SGCZ: variants seen among roughly 807,000 people sequenced by gnomAD.
SGCZ encodes the protein zeta-sarcoglycan.
A neutral mutation model predicts 41.3 loss-of-function variants in SGCZ; 40 were observed. The observed-to-expected ratio is 0.97, with a 90% confidence interval of 0.75 to 1.26. The LOEUF (loss-of-function observed/expected upper bound fraction) is 1.26, where lower values mean the gene tolerates loss of function less well. Among genes scored for constraint, SGCZ ranks in the 50% most tolerant of loss-of-function variants. The pLI is 0.00. For synonymous variants in SGCZ, 206 were observed against 137.5 expected, an observed-to-expected ratio of 1.50 and a Z score of -3.49; for missense variants, 552 against 369.8, an observed-to-expected ratio of 1.49 and a Z score of -4.04.
At chr8:14,807,952 A>G (rs1801601377) in intron 1 of SGCZ, among the ~76,000 whole-genome samples, 1 of 151,866 alleles carries the variant, frequency 6.6e-6, no homozygotes, top group South Asian at 2.1e-4. Flanking sequence ...CTGATCTTTG[A>G]CAAACCTGAG....
At chr8:14,444,755 A>T (rs1367604840) in intron 2 of SGCZ, among the ~76,000 whole-genome samples, 4 of 152,092 alleles carry the variant, frequency 2.6e-5, no homozygotes, top group Non-Finnish European at 1.5e-5. Flanking sequence ...TGGCACATGT[A>T]TACATATGTA....
intron 1 of SGCZ, among the ~76,000 whole-genome samples, chr8:14,906,669 CAACT>C (rs1266509481): frequency 1.3e-5 from 2 of 152,114 alleles, no homozygotes; most frequent in African/African-American, 4.8e-5. Flanking sequence ...GTACTGAAAT[CAACT>C]AACTAGGATT....
At chr8:14,410,542 A>T (rs1181959823) in intron 2 of SGCZ, among the ~76,000 whole-genome samples, 4 of 47,818 alleles carry the variant, frequency 8.4e-5, no homozygotes, top group Admixed American at 6.6e-4. Context: ...AGTTAATATA[A>T]AAAAAAAAAA....
chr8:14,778,444 T>G (rs778866548), intron 1 of SGCZ, among the ~76,000 whole-genome samples: 2 of 152,150 alleles, frequency 1.3e-5, no homozygotes, highest in Non-Finnish European at 2.9e-5. Flanking sequence ...AGTCCATAGT[T>G]TTCATCAGAT....
chr8:14,386,553 A>G (rs1281258284), intron 2 of SGCZ, among the ~76,000 whole-genome samples: 1 of 152,162 alleles, frequency 6.6e-6, no homozygotes, highest in African/African-American at 2.4e-5. Context: ...GTTTTTAGAA[A>G]TGTTTCAGGC....
chr8:14,470,369 G>A (rs1342649926), intron 2 of SGCZ, among the ~76,000 whole-genome samples: 1 of 152,140 alleles, frequency 6.6e-6, no homozygotes, highest in South Asian at 2.1e-4. Flanking sequence ...AATACGTGTA[G>A]TAAGAATTAA....
intron 1 of SGCZ, among the ~76,000 whole-genome samples, chr8:15,126,730 G>A (rs377323096): frequency 2.0e-5 from 3 of 152,144 alleles, no homozygotes; most frequent in Non-Finnish European, 1.5e-5. Context: ...CAGAGGCACC[G>A]AGACTTAAAA....
chr8:14,670,572 A>ACG (rs1808070475), intron 1 of SGCZ, among the ~76,000 whole-genome samples: 1 of 151,248 alleles, frequency 6.6e-6, no homozygotes, highest in Non-Finnish European at 1.5e-5. Context: ...ATGGGATATG[A>ACG]GCAGATCTAA....
At chr8:15,221,541 T>C (rs143872366) in intron 1 of SGCZ, among the ~76,000 whole-genome samples, 114 of 152,278 alleles carry the variant, frequency 7.5e-4, no homozygotes, top group African/African-American at 2.2e-3. Context: ...TATCATAGGC[T>C]AGTTCAAAAA....
At chr8:14,214,930 A>G (rs2117104552) in intron 4 of SGCZ, among the ~76,000 whole-genome samples, 1 of 152,330 alleles carries the variant, frequency 6.6e-6, no homozygotes, top group South Asian at 2.1e-4. Context: ...TGGATACTTC[A>G]ATACCACACT....
chr8:14,342,536 C>T (rs536197219), intron 2 of SGCZ, among the ~76,000 whole-genome samples: 7 of 152,132 alleles, frequency 4.6e-5, no homozygotes, highest in South Asian at 4.1e-4. Context: ...AGGATGGTCT[C>T]GATCTCCTGA....
chr8:14,637,050 TC>T (rs1806853508), intron 1 of SGCZ, among the ~76,000 whole-genome samples: 1 of 151,924 alleles, frequency 6.6e-6, no homozygotes, highest in South Asian at 2.1e-4. Context: ...CTATTTTTTT[TC>T]TTTTTCATAC....
At chr8:14,702,925 G>GTAGGTAGATAGATAGA (rs1212521242) in intron 1 of SGCZ, among the ~76,000 whole-genome samples, 5 of 125,872 alleles carry the variant, frequency 4.0e-5, no homozygotes, top group African/African-American at 1.5e-4. Flanking sequence ...AGTTAGGTAG[G>GTAGGTAGATAGATAGA]TAGATAGATA....
intron 1 of SGCZ, among the ~76,000 whole-genome samples, chr8:14,573,466 G>A (rs1804620705): frequency 1.3e-5 from 2 of 152,018 alleles, no homozygotes; most frequent in South Asian, 2.1e-4. Context: ...GGGATTACAG[G>A]CATGAGCCAC....
intron 1 of SGCZ, among the ~76,000 whole-genome samples, chr8:14,635,987 T>G (rs1198163938): frequency 1.3e-5 from 2 of 151,928 alleles, no homozygotes; most frequent in Non-Finnish European, 2.9e-5. Context: ...CAAGAAGGTT[T>G]GGTTAATCAA....
chr8:14,639,976 C>A lies in SGCZ; in HGVS notation c.40-85050G>T, dbSNP rs142090010. 3.5e-4 allele frequency among the ~76,000 whole-genome samples: 53 copies of A among 151,622 alleles called. No homozygotes were observed. In the East Asian group the frequency reaches 1.0e-2, roughly 29 times the overall value. On this transcript the variant is annotated intron_variant, in intron 1 of 7. Coordinates refer to ENST00000382080, the MANE Select transcript of SGCZ (RefSeq NM_139167.4). ...AGTTACTTAGAGCAGAAAGATAAATCCCGAGATATACTTGTCATCAATCAC... is the reference window on the plus strand; with the variant it reads ...AGTTACTTAGAGCAGAAAGATAAATACCGAGATATACTTGTCATCAATCAC...
intron 5 of SGCZ, among the ~76,000 whole-genome samples, chr8:14,142,333 AG>A (rs1803397177): frequency 1.3e-5 from 2 of 152,174 alleles, no homozygotes; most frequent in South Asian, 4.1e-4. Flanking sequence ...TTAAAAAAAA[AG>A]AAATATGAAA....
intron 1 of SGCZ, among the ~76,000 whole-genome samples, chr8:14,862,427 A>G (rs974399899): frequency 1.3e-5 from 2 of 151,718 alleles, no homozygotes; most frequent in South Asian, 2.1e-4. Flanking sequence ...CACCATATGC[A>G]TGGTATAATG....
chr8:14,349,533 A>G (rs1803013441), intron 2 of SGCZ, among the ~76,000 whole-genome samples: 1 of 152,140 alleles, frequency 6.6e-6, no homozygotes, highest in Non-Finnish European at 1.5e-5. Flanking sequence ...TTTAAGAAGC[A>G]TATGTGTCAT....
Sources: allele counts gnomAD v4.1 joint callset (sites outside exome capture counted in the v4.1 genomes callset), GRCh38; gene constraint gnomAD v4.1.1; transcripts MANE v1.5; gene names NCBI Gene and HGNC (gene_info 2026-07-23, HGNC 2026-07-21).